The following CACNA1I variants were observed in gnomAD, a reference collection of about 807,000 sequenced individuals.
CACNA1I encodes the protein calcium voltage-gated channel subunit alpha1 I, also known as voltage-dependent T-type calcium channel subunit alpha-1I.
In CACNA1I, 74 loss-of-function variants were observed where a neutral mutation model predicts 201.6. The ratio of observed to expected loss-of-function variants is 0.37; its 90% CI spans 0.30 to 0.45. The LOEUF (loss-of-function observed/expected upper bound fraction) is 0.45. CACNA1I is among the 20% of genes least tolerant of loss of function. The pLI is 1.00. For synonymous variants in CACNA1I, 1,431 were observed against 1,345.2 expected (o/e 1.06, Z -1.40); for missense variants, 2,346 against 3,138.1 (o/e 0.75, Z 6.03).
intron 10 of CACNA1I, among the ~76,000 whole-genome samples, chr22:39,653,034 A>C (rs1934693619): frequency 6.6e-6 from 1 of 151,678 alleles, no homozygotes; most frequent in African/African-American, 2.4e-5. Context: ...GGGTACACGG[A>C]TCCCCCCACA....
chr22:39,578,504 C>T (rs978360527), intron 1 of CACNA1I, among the ~76,000 whole-genome samples: 1 of 152,108 alleles, frequency 6.6e-6, no homozygotes. Flanking sequence ...CACCCTCCCT[C>T]CTCCTCCCCT....
At chr22:39,644,100 CT>C (rs1986259813) in intron 7 of CACNA1I, among the ~76,000 whole-genome samples, 1 of 152,176 alleles carries the variant, frequency 6.6e-6, no homozygotes, top group African/African-American at 2.4e-5. Context: ...GCCTTAAAGA[CT>C]CAGGGAGGTG....
At chr22:39,616,374 C>G (rs540561327) in intron 3 of CACNA1I, among the ~76,000 whole-genome samples, 8 of 152,274 alleles carry the variant, frequency 5.3e-5, no homozygotes, top group East Asian at 3.9e-4. Context: ...GTGGGCCCCC[C>G]CTTTGACATC....
chr22:39,670,017 C>T, intron 24 of CACNA1I, 21 bp from the exon 25 acceptor site: 1 of 1,611,990 alleles, frequency 6.2e-7, no homozygotes, highest in Non-Finnish European at 8.5e-7. Flanking sequence ...GCCTCCTCAG[C>T]CCTTTCTGAC....
intron 7 of CACNA1I, among the ~76,000 whole-genome samples, chr22:39,643,869 A>T (rs1019757393): frequency 6.6e-6 from 1 of 152,238 alleles, no homozygotes; most frequent in African/African-American, 2.4e-5. Flanking sequence ...CCCACACTGC[A>T]CCAGGCCCTG....
rs758305331 is a variant in CACNA1I, at chr22:39,688,112, C to T, written c.*1707C>T. 2 of 151,890 alleles carry T rather than the reference C, an allele frequency of 1.3e-5. No individual in the cohort carries two copies. Among genetic ancestry groups the T allele is most frequent in the Admixed American group, 6.6e-5 (1 of 15,252 alleles). 9.4% of individuals were successfully genotyped at this position (151,890 alleles called of 1,614,324 possible). On this transcript the variant is annotated 3_prime_UTR_variant, in exon 37 of 37. Transcript: ENST00000402142. This position sits in a 1 kb window ranked among gnomAD's most constrained non-coding sequence, Gnocchi z 4.8. The stretch of plus-strand genomic sequence containing the variant: ...CCTTTTGGGCTGAGGGAGAGGGGGC[C>T]GGGAGGGGTTGTCAAGCCCACCCGG...
At chr22:39,596,760 G>T (rs1262558402) in intron 1 of CACNA1I, among the ~76,000 whole-genome samples, 7 of 152,002 alleles carry the variant, frequency 4.6e-5, no homozygotes, top group African/African-American at 1.7e-4. Context: ...GGAGGCTCCT[G>T]GTCATCCGGT....
intron 4 of CACNA1I, among the ~76,000 whole-genome samples, chr22:39,628,787 G>C (rs1933968768): frequency 6.6e-6 from 1 of 152,188 alleles, no homozygotes; most frequent in Non-Finnish European, 1.5e-5. Context: ...GGCCAGTCCA[G>C]GGAGAGTGGC....
Position 39,678,004 on chromosome 22 carries a change from C to G in CACNA1I, c.4951C>G (p.Pro1651Ala). The G allele has an allele frequency of 6.3e-7, 1 of 1,595,632 alleles. No homozygotes were observed. The highest frequency in any genetic ancestry group is 8.5e-7 in the Non-Finnish European group (1 of 1,171,622). The change falls in exon 31 of 37, where the codon CCG becomes GCG. Residue 1651 changes from proline (P) to alanine (A), a missense_variant. Pro to Ala is a conservative substitution (Grantham distance 27). This residue lies in a region of CACNA1I where 64 missense variants were observed against 131.8 expected (regional missense o/e 0.49). Coordinates refer to ENST00000402142, the MANE Select transcript of CACNA1I (RefSeq NM_021096.4). ...GCTTCCAGTCTGCAACGACGAGAAC[C>G]CGTGCGAGGGCATGAGCCGGCATGC... Reference protein sequence around the residue: ...FGKLVCNDENPCEGMSRHATF... With the variant: ...FGKLVCNDENACEGMSRHATF...
Position 39,658,196 on chromosome 22 carries a change from C to T in CACNA1I, c.2037C>T (p.Phe679=). The T allele has an allele frequency of 1.9e-6, 3 of 1,613,990 alleles. No homozygotes were observed. Among genetic ancestry groups the T allele is most frequent in the South Asian group, 1.1e-5 (1 of 91,074 alleles). Residue 679 remains phenylalanine, a synonymous_variant, in exon 11 of 37, where the codon TTC becomes TTT. Coordinates refer to ENST00000402142, the MANE Select transcript of CACNA1I (RefSeq NM_021096.4). ...TCCTGGAGATCTGCAATGTGGTCTT[C>T]ACCAGCATGTTTGCCCTGGAGATGA... ...TNILEICNVV[F]TSMFALEMIL... is the part of the protein sequence containing the mutation.
intron 17 of CACNA1I, 22 bp downstream of exon 17, chr22:39,662,457 G>A (rs1195903911): frequency 1.4e-6 from 2 of 1,400,048 alleles, no homozygotes; most frequent in Non-Finnish European, 1.9e-6. Context: ...CGGGGCCGAA[G>A]GGGACCTGGT....
Position 39,662,113 on chromosome 22 carries a change from T to C in CACNA1I, c.3050T>C (p.Val1017Ala). 6.5e-7 allele frequency: 1 copy of C among 1,527,680 alleles called. No individual in the cohort carries two copies. The highest frequency in any genetic ancestry group is 8.8e-7 in the Non-Finnish European group (1 of 1,141,470). The allele number at this position is 1,527,680 out of a possible 1,614,324, so 94.6% of individuals were successfully genotyped here. A position where few individuals can be genotyped will look rare whatever the true frequency, so the allele number is the denominator to read the frequency against. The change falls in exon 17 of 37, where the codon GTC becomes GCC. Residue 1017 changes from valine (V) to alanine (A), a missense_variant. This residue lies in a region of CACNA1I where 288 missense variants were observed against 255.2 expected (regional missense o/e 1.13). Coordinates refer to ENST00000402142, the MANE Select transcript of CACNA1I (RefSeq NM_021096.4). ...GCGGAGCGCGGCGGCGGCGCCCGGG[T>C]CTGCGAGGTTGCCGCGGACGAGGGG... ...LSAERGGGAR[V>A]CEVAADEGPP...
chr22:39,629,244 A>G lies in CACNA1I; in HGVS notation c.581-5321A>G, dbSNP rs1185013418. Among the ~76,000 whole-genome samples the G allele has an allele frequency of 6.6e-6, 1 of 151,584 alleles. No individual in the cohort carries two copies. The highest frequency in any genetic ancestry group is 1.5e-5 in the Non-Finnish European group (1 of 67,914). Reference sequence around the variant, plus strand: ...CCCGGGCCAGACTGTTCTCCCCTGAACTCCAGACCCCAAGATCTGGCAAAG... The same window carrying G: ...CCCGGGCCAGACTGTTCTCCCCTGAGCTCCAGACCCCAAGATCTGGCAAAG... On this transcript the variant is annotated intron_variant, in intron 4 of 36. Transcript: ENST00000402142. This position sits in a 1 kb window ranked among gnomAD's most constrained non-coding sequence, Gnocchi z 4.8.
rs1935971166 is a variant in CACNA1I at position 39,689,323 on chromosome 22, C to CAA, written c.*2918_*2919insAA. 6.5e-6 allele frequency: 1 copy of CAA among 152,890 alleles called. No homozygotes were observed. Among genetic ancestry groups the CAA allele is most frequent in the Admixed American group, 6.5e-5 (1 of 15,296 alleles). The allele number at this position is 152,890 out of a possible 1,614,324, so 9.5% of individuals were successfully genotyped here. ...TAAAGGAGGACAAAGTGTGTAAAGC[C>CAA]CGTCTGCTGTCTTCCCCCAAATCCT... On this transcript the variant is annotated 3_prime_UTR_variant, in exon 37 of 37. Transcript: ENST00000402142.
intron 3 of CACNA1I, among the ~76,000 whole-genome samples, chr22:39,614,612 G>T (rs1223102465): frequency 3.3e-5 from 5 of 152,242 alleles, no homozygotes; most frequent in Admixed American, 2.0e-4. Context: ...GGGATCACGT[G>T]CCTATCCTGA....
intron 4 of CACNA1I, among the ~76,000 whole-genome samples, chr22:39,627,307 G>A (rs1046147676): frequency 1.3e-5 from 2 of 152,262 alleles, no homozygotes; most frequent in African/African-American, 4.8e-5. Flanking sequence ...CAGGTCTCGT[G>A]GTGCTGATCC....
intron 5 of CACNA1I, among the ~76,000 whole-genome samples, chr22:39,637,693 A>T (rs1601484411): frequency 6.6e-6 from 1 of 152,170 alleles, no homozygotes; most frequent in African/African-American, 2.4e-5. Context: ...AAAAAGAAGG[A>T]ATTACATTTT....
At chr22:39,672,142 G>A (rs1935393743) in intron 26 of CACNA1I, 57 bp from the exon 27 acceptor site, 2 of 1,057,512 alleles carry the variant, frequency 1.9e-6, no homozygotes, top group Non-Finnish European at 2.9e-6. Context: ...CTGAGTGGAG[G>A]AAGGTTGTGG....
In CACNA1I at chr22:39,598,288, C is replaced by T. The variant is rs150841845; in HGVS notation, c.348+26C>T. 1,293 of 1,215,170 alleles carry T rather than the reference C, an allele frequency of 1.1e-3. 14 individuals carry two copies. Among genetic ancestry groups the T allele is most frequent in the Non-Finnish European group, 1.2e-3 (1,014 of 874,142 alleles). 75.3% of individuals were successfully genotyped at this position (1,215,170 alleles called of 1,614,324 possible). On this transcript the variant is annotated intron_variant, in intron 2 of 36. Transcript: ENST00000402142. ...GTGAGCCGGCCGCCCCGCCCCGCCCCGCCCTGCCCTCATCCTCCAGGACCC... is the reference window on the plus strand; with the variant it reads ...GTGAGCCGGCCGCCCCGCCCCGCCCTGCCCTGCCCTCATCCTCCAGGACCC...
Sources: gnomAD v4.1 joint callset for allele counts (sites outside exome capture counted in the v4.1 genomes callset) on GRCh38, gnomAD v4.1.1 for gene constraint, gnomAD v4.1.1 regional missense constraint, Gnocchi (gnomAD v3.1) non-coding constraint, MANE v1.5 for transcripts, NCBI Gene and HGNC (gene_info 2026-07-23, HGNC 2026-07-21) for gene names.